Variants in KCNB2 observed in about 807,000 individuals in gnomAD.
The protein encoded by KCNB2 is potassium voltage-gated channel subfamily B member 2, also known as delayed rectifier potassium channel protein.
In KCNB2, 15 loss-of-function variants were observed where a neutral mutation model predicts 61.5. The observed-to-expected ratio is 0.24, with a 90% CI of 0.16 to 0.38. KCNB2 has a LOEUF of 0.38. Ranked by LOEUF, KCNB2 falls within the 10% of genes least tolerant of loss-of-function variation. The pLI is 1.00. For synonymous variants in KCNB2, 457 were observed against 446.0 expected (o/e 1.02, Z -0.31); for missense variants, 828 against 1,125.2 (o/e 0.74, Z 3.78).
chr8:72,661,086 G>C (rs1454347289), intron 2 of KCNB2: 1 of 152,146 alleles, frequency 6.6e-6, no homozygotes, highest in African/African-American at 2.4e-5. Flanking sequence ...CATGATCTCA[G>C]CTCACTGCAA....
chr8:72,646,787 T>C (rs1286560385), intron 2 of KCNB2, among the ~76,000 whole-genome samples: 1 of 152,076 alleles, frequency 6.6e-6, no homozygotes, highest in Non-Finnish European at 1.5e-5. Context: ...TTCATTCTAG[T>C]AAAAGTTCTG....
At chr8:72,561,550 AGTTATTTC>A (rs1313108752) in intron 1 of KCNB2, among the ~76,000 whole-genome samples, 1 of 150,926 alleles carries the variant, frequency 6.6e-6, no homozygotes, top group Non-Finnish European at 1.5e-5. Context: ...ACAGCATTTC[AGTTATTTC>A]TAGAACTTTA....
chr8:72,853,950 C>T (rs1443544168), intron 2 of KCNB2, among the ~76,000 whole-genome samples: 1 of 152,194 alleles, frequency 6.6e-6, no homozygotes, highest in African/African-American at 2.4e-5. Context: ...TTCTTATCTA[C>T]CCTCCTCACT....
rs1334601065 is a variant in KCNB2 at position 72,820,862 on chromosome 8, C to T, written c.580-115073C>T. ...TCCTATTTCCATAAGTTCACTGGTTCTGCTAGTGTCTTCTGAACATTCTTT... is the reference window on the plus strand; with the variant it reads ...TCCTATTTCCATAAGTTCACTGGTTTTGCTAGTGTCTTCTGAACATTCTTT... On this transcript the variant is annotated intron_variant, in intron 2 of 2. Transcript: ENST00000523207. Among the ~76,000 whole-genome samples, 4 of 152,236 alleles carry T rather than the reference C, an allele frequency of 2.6e-5. No individual in the cohort carries two copies. In the East Asian group the frequency reaches 7.7e-4, roughly 29 times the overall value.
At chr8:72,570,427 G>A (rs1806690743) in intron 2 of KCNB2, among the ~76,000 whole-genome samples, 1 of 152,034 alleles carries the variant, frequency 6.6e-6, no homozygotes, top group African/African-American at 2.4e-5. Flanking sequence ...AAATATTATG[G>A]AAAGTATTTA....
chr8:72,673,543 A>G (rs1806600645), intron 2 of KCNB2, among the ~76,000 whole-genome samples: 1 of 152,242 alleles, frequency 6.6e-6, no homozygotes, highest in Non-Finnish European at 1.5e-5. Context: ...AGTCTTAGGT[A>G]TGTCTTTATT....
intron 2 of KCNB2, among the ~76,000 whole-genome samples, chr8:72,652,059 A>G (rs1806218694): frequency 6.6e-6 from 1 of 152,040 alleles, no homozygotes; most frequent in African/African-American, 2.4e-5. Flanking sequence ...TCCATAATCT[A>G]CTTTGACCAC....
At chr8:72,574,908 C>G (rs1330533022) in intron 2 of KCNB2, among the ~76,000 whole-genome samples, 1 of 152,090 alleles carries the variant, frequency 6.6e-6, no homozygotes, top group Non-Finnish European at 1.5e-5. Flanking sequence ...AGGAAGGTTG[C>G]AATATTTAAC....
Position 72,929,200 on chromosome 8 carries a change from T to G in KCNB2, c.580-6735T>G, listed in dbSNP as rs146342872. ...TAGAACCATGTGTTTGAATTGCTGA[T>G]CCTGTGCTTCTTTCCACCACAAAAC... On this transcript the variant is annotated intron_variant, in intron 2 of 2. Transcript: ENST00000523207. Among the ~76,000 whole-genome samples, 284 of 152,274 alleles carry G rather than the reference T, an allele frequency of 1.9e-3. 1 individual carries two copies. The highest frequency in any genetic ancestry group is 6.5e-3 in the African/African-American group (271 of 41,558).
At chr8:72,571,156 A>G (rs973201936) in intron 2 of KCNB2, among the ~76,000 whole-genome samples, 3 of 152,250 alleles carry the variant, frequency 2.0e-5, no homozygotes, top group African/African-American at 7.2e-5. Flanking sequence ...AGGCTAAAAT[A>G]TCTATTCTTT....
chr8:72,852,282 A>G (rs1222143695), intron 2 of KCNB2, among the ~76,000 whole-genome samples: 1 of 152,126 alleles, frequency 6.6e-6, no homozygotes, highest in Non-Finnish European at 1.5e-5. Flanking sequence ...ACCATTTTGA[A>G]TGTATTTCTA....
chr8:72,662,627 T>C (rs1237632967), intron 2 of KCNB2, among the ~76,000 whole-genome samples: 1 of 152,142 alleles, frequency 6.6e-6, no homozygotes, highest in Non-Finnish European at 1.5e-5. Flanking sequence ...GTCAGTGCTC[T>C]TCATTTTCTT....
At chr8:72,934,440 G>A (rs1357896542) in intron 2 of KCNB2, among the ~76,000 whole-genome samples, 1 of 149,804 alleles carries the variant, frequency 6.7e-6, no homozygotes, top group Non-Finnish European at 1.5e-5. Flanking sequence ...GAGGAGAAAG[G>A]AGGAAGTGAA....
intron 2 of KCNB2, among the ~76,000 whole-genome samples, chr8:72,603,651 T>C (rs1255572119): frequency 2.0e-5 from 3 of 152,120 alleles, no homozygotes; most frequent in East Asian, 1.9e-4. Flanking sequence ...TCACAACTTA[T>C]TAGCTGTACT....
At chr8:72,764,899 G>A (rs1294510954) in intron 2 of KCNB2, among the ~76,000 whole-genome samples, 3 of 152,126 alleles carry the variant, frequency 2.0e-5, no homozygotes, top group Non-Finnish European at 4.4e-5. Flanking sequence ...AATTCACAAG[G>A]AGAAATTCCC....
chr8:72,783,981 A>C (rs543834501), intron 2 of KCNB2, among the ~76,000 whole-genome samples: 6 of 152,038 alleles, frequency 3.9e-5, no homozygotes, highest in Admixed American at 3.9e-4. Flanking sequence ...AGGATATCCA[A>C]CCTCCTCAGG....
chr8:72,612,136 A>G (rs376435739), intron 2 of KCNB2, among the ~76,000 whole-genome samples: 75 of 152,190 alleles, frequency 4.9e-4, no homozygotes, highest in African/African-American at 1.6e-3. Context: ...CTTACCATCA[A>G]TAAATTCTGT....
chr8:72,838,719 A>T (rs1292425413), intron 2 of KCNB2, among the ~76,000 whole-genome samples: 1 of 152,188 alleles, frequency 6.6e-6, no homozygotes, highest in Non-Finnish European at 1.5e-5. Context: ...ATTGTAGTAT[A>T]TACAGGTCTA....
chr8:72,537,923 C>T (rs903896128), intron 1 of KCNB2, 38 bp downstream of exon 1: 2 of 152,308 alleles, frequency 1.3e-5, no homozygotes, highest in Non-Finnish European at 2.9e-5. Context: ...CGAAGGGGGT[C>T]TTCCTTTAAG....
Sources: gnomAD v4.1 joint callset for allele counts (sites outside exome capture counted in the v4.1 genomes callset) on GRCh38, gnomAD v4.1.1 for gene constraint, MANE v1.5 for transcripts, NCBI Gene and HGNC (gene_info 2026-07-23, HGNC 2026-07-21) for gene names.